Variants in MED1 observed in about 807,000 individuals in gnomAD.
The protein encoded by MED1 is mediator of RNA polymerase II transcription subunit 1.
In MED1, 17 loss-of-function variants were observed where a neutral mutation model predicts 121.3. The observed-to-expected ratio is 0.14, with a 90% CI of 0.10 to 0.21. MED1 has a LOEUF of 0.21. MED1 is among the 10% of genes least tolerant of loss of function. The pLI, the probability that MED1 is intolerant of heterozygous loss-of-function variation, is 1.00. For synonymous variants in MED1, 661 were observed against 694.4 expected (o/e 0.95, Z 0.76); for missense variants, 1,558 against 1,919.4 (o/e 0.81, Z 3.52).
chr17:39,417,012 T>G (rs1597856366), intron 14 of MED1, among the ~76,000 whole-genome samples: 1 of 151,992 alleles, frequency 6.6e-6, no homozygotes, highest in East Asian at 1.9e-4. Flanking sequence ...CTTTCCAATC[T>G]CGATAACAGA....
chr17:39,405,508 G>A lies in MED1; in HGVS notation c.*1967C>T. On this transcript the variant is annotated 3_prime_UTR_variant, in exon 17 of 17. Coordinates refer to ENST00000300651, the MANE Select transcript of MED1 (RefSeq NM_004774.4). Reference sequence around the variant, plus strand: ...CCAACGGGATAGGATTCAAAACTAGGTGACAAACTCATGAGAAATCCAACC... The same window carrying A: ...CCAACGGGATAGGATTCAAAACTAGATGACAAACTCATGAGAAATCCAACC... The A allele has an allele frequency of 7.2e-7, 1 of 1,386,684 alleles. No homozygotes were observed. The highest frequency in any genetic ancestry group is 9.3e-7 in the Non-Finnish European group (1 of 1,071,152). 85.9% of individuals were successfully genotyped at this position (1,386,684 alleles called of 1,614,324 possible).
intron 6 of MED1, 44 bp from the exon 7 acceptor site, chr17:39,434,364 C>A: frequency 1.0e-6 from 1 of 983,786 alleles, no homozygotes; most frequent in South Asian, 1.6e-5. Flanking sequence ...GAAAATAAAA[C>A]ATAAAATTAC....
In MED1 at chr17:39,449,300, C is replaced by T. The variant is rs142101791; in HGVS notation, c.26-1396G>A. On this transcript the variant is annotated intron_variant, in intron 1 of 16. Transcript: ENST00000300651. ...GATTCAGGTAATCCTCCCACCTCAGCCTCCCAAGTAGCTGGGACTACTGGC... is the reference window on the plus strand; with the variant it reads ...GATTCAGGTAATCCTCCCACCTCAGTCTCCCAAGTAGCTGGGACTACTGGC... 2.7e-3 allele frequency among the ~76,000 whole-genome samples: 410 copies of T among 152,250 alleles called. 1 individual carries two copies. Among genetic ancestry groups the T allele is most frequent in the African/African-American group, 9.2e-3 (382 of 41,558 alleles).
intron 1 of MED1, among the ~76,000 whole-genome samples, chr17:39,450,419 G>T (rs925894234): frequency 6.6e-6 from 1 of 152,204 alleles, no homozygotes; most frequent in African/African-American, 2.4e-5. Context: ...GAGGAAACTG[G>T]AGAAGATAAA....
At chr17:39,443,511 G>T (rs1390736091) in intron 3 of MED1, 39 bp downstream of exon 3, 1 of 1,558,086 alleles carries the variant, frequency 6.4e-7, no homozygotes, top group Non-Finnish European at 8.8e-7. Context: ...TGAACTGGGG[G>T]TTTTGTGAAA....
At chr17:39,433,786 T>C (rs991031195) in intron 7 of MED1, among the ~76,000 whole-genome samples, 1 of 152,082 alleles carries the variant, frequency 6.6e-6, no homozygotes, top group Admixed American at 6.6e-5. Flanking sequence ...ATTGATCTCC[T>C]GAGCTCAAGA....
intron 5 of MED1, among the ~76,000 whole-genome samples, chr17:39,439,401 G>C (rs1432830435): frequency 6.6e-6 from 1 of 152,118 alleles, no homozygotes; most frequent in Non-Finnish European, 1.5e-5. Context: ...CAAAGCATAT[G>C]AAATAGTTTT....
chr17:39,419,185 G>A (rs958005231), intron 14 of MED1, among the ~76,000 whole-genome samples: 2 of 151,924 alleles, frequency 1.3e-5, no homozygotes, highest in Non-Finnish European at 2.9e-5. Flanking sequence ...AGGCTCAAGC[G>A]ACAATCCTCC....
At chr17:39,439,986 G>GA (rs1395915963) in intron 5 of MED1, among the ~76,000 whole-genome samples, 40 of 74,124 alleles carry the variant, frequency 5.4e-4, no homozygotes, top group African/African-American at 2.7e-3. Flanking sequence ...AAGAAAGAAA[G>GA]AAGGAAGGAA....
chr17:39,418,038 A>T (rs2048426030), intron 14 of MED1, among the ~76,000 whole-genome samples: 2 of 141,072 alleles, frequency 1.4e-5, no homozygotes, highest in Non-Finnish European at 3.0e-5. Flanking sequence ...GTGGGCCAAG[A>T]TCATGCCACT....
intron 2 of MED1, chr17:39,445,596 G>A (rs1304698878): frequency 6.6e-6 from 1 of 152,098 alleles, no homozygotes; most frequent in African/African-American, 2.4e-5. Flanking sequence ...CAAAGTCATG[G>A]TGACCAAACC....
Position 39,418,420 on chromosome 17 carries a change from C to G in MED1, c.1297+1297G>C, listed in dbSNP as rs1447784690. ...TGGTGGTACATGCCTATAGCCCCACCTACTTGGGAGGCTAAGGCAGGAGGA... is the reference window on the plus strand; with the variant it reads ...TGGTGGTACATGCCTATAGCCCCACGTACTTGGGAGGCTAAGGCAGGAGGA... On this transcript the variant is annotated intron_variant, in intron 14 of 16. Transcript: ENST00000300651. 3.3e-5 allele frequency among the ~76,000 whole-genome samples: 5 copies of G among 151,958 alleles called. No individual in the cohort carries two copies. In the East Asian group the frequency reaches 9.7e-4, roughly 29 times the overall value.
chr17:39,407,771 C>T lies in MED1; in HGVS notation c.4450G>A (p.Asp1484Asn), dbSNP rs1290658800. 1.9e-6 allele frequency: 3 copies of T among 1,614,130 alleles called. No individual in the cohort carries two copies. Among genetic ancestry groups the T allele is most frequent in the African/African-American group, 1.3e-5 (1 of 75,032 alleles). Residue 1484 changes from aspartate (D) to asparagine (N), a missense_variant, in exon 17 of 17, where the codon GAT becomes AAT. Asp to Asn is a conservative substitution (Grantham distance 23). Around this residue, in one of 5 missense-constraint regions of MED1, gnomAD observed 264 missense variants for 326.1 expected, o/e 0.81. Transcript: ENST00000300651. ...TATTCTGGAAGTGGTCGGATACCAT[C>T]GTCTGAGCTGGGACTATTCTGATAA... ...KSYQNSPSSD[D>N]GIRPLPEYST...
intron 2 of MED1, among the ~76,000 whole-genome samples, chr17:39,447,329 T>G (rs2048737706): frequency 6.6e-6 from 1 of 151,366 alleles, no homozygotes; most frequent in Admixed American, 6.6e-5. Flanking sequence ...AGGCAGAGGT[T>G]GCAGTGAGCC....
chr17:39,428,868 C>T (rs1470455853), intron 9 of MED1, among the ~76,000 whole-genome samples: 1 of 150,344 alleles, frequency 6.7e-6, no homozygotes, highest in Non-Finnish European at 1.5e-5. Flanking sequence ...AGGAGAATTG[C>T]TTGAACCCAG....
intron 6 of MED1, among the ~76,000 whole-genome samples, chr17:39,438,071 AG>A (rs2048636634): frequency 6.6e-6 from 1 of 151,302 alleles, no homozygotes; most frequent in Admixed American, 6.6e-5. Context: ...AGAAAAGAAA[AG>A]GGTCCAGCAT....
intron 14 of MED1, among the ~76,000 whole-genome samples, chr17:39,419,027 TGC>T (rs1287209495): frequency 3.9e-5 from 6 of 152,104 alleles, no homozygotes; most frequent in African/African-American, 1.4e-4. Context: ...CCTTGTGATC[TGC>T]CCACCTCGGC....
intron 7 of MED1, among the ~76,000 whole-genome samples, chr17:39,433,725 G>A (rs192383619): frequency 1.4e-4 from 22 of 151,968 alleles, no homozygotes; most frequent in Non-Finnish European, 3.1e-4. Flanking sequence ...CTAAGCTGTT[G>A]CTGTTGTCTT....
chr17:39,441,111 G>A (rs1343839499), intron 3 of MED1, among the ~76,000 whole-genome samples: 1 of 152,074 alleles, frequency 6.6e-6, no homozygotes, highest in African/African-American at 2.4e-5. Flanking sequence ...TATACATAAA[G>A]AGGAGTATTT....
Sources: allele counts gnomAD v4.1 joint callset (sites outside exome capture counted in the v4.1 genomes callset), GRCh38; gene constraint gnomAD v4.1.1; regional missense constraint gnomAD v4.1.1; transcripts MANE v1.5; gene names NCBI Gene and HGNC (gene_info 2026-07-23, HGNC 2026-07-21).